LRRC57: variants seen among roughly 807,000 people sequenced by gnomAD.
LRRC57 encodes the protein leucine rich repeat containing 57, also known as leucine-rich repeat-containing protein 57.
Under a neutral mutation model 23.1 loss-of-function variants are expected in LRRC57, and 14 were observed. The observed-to-expected ratio is 0.61, with a 90% CI of 0.40 to 0.95. The LOEUF (loss-of-function observed/expected upper bound fraction) is 0.95. Among genes scored for constraint, LRRC57 ranks in the 40% least tolerant of loss-of-function variants. The pLI, the probability that LRRC57 is intolerant of heterozygous loss-of-function variation, is 0.00. For synonymous variants in LRRC57, 106 were observed against 115.2 expected (o/e 0.92, Z 0.51); for missense variants, 236 against 284.4 (o/e 0.83, Z 1.22).
chr15:42,532,341 T>G, the LRRC57 span: 1 of 152,266 alleles, frequency 6.6e-6, no homozygotes. Flanking sequence ...CGCCTTGGCC[T>G]CCCAAAGTAC....
the LRRC57 span, chr15:42,532,349 T>A: frequency 6.6e-6 from 1 of 152,238 alleles, no homozygotes; most frequent in Admixed American, 6.5e-5. Context: ...CCTCCCAAAG[T>A]ACTGGGATTA....
chr15:42,547,574 A>G (rs751614902), intron 3 of LRRC57, 45 bp from the exon 4 acceptor site: 5 of 1,550,626 alleles, frequency 3.2e-6, no homozygotes. Context: ...GATAGAGCTG[A>G]AAACAACTTT....
chr15:42,538,034 G>T lies in LRRC57; in HGVS notation c.*6049C>A, dbSNP rs964747880. 2.0e-5 allele frequency: 3 copies of T among 152,088 alleles called. No individual in the cohort carries two copies. The South Asian group carries it at 6.2e-4, about 32-fold the overall frequency. 9.4% of individuals were successfully genotyped at this position (152,088 alleles called of 1,614,324 possible). ...TATACTTAATGTAAGTTTCAAAATGGCTAGAAGATTTGAAATGTTCCCAAC... is the reference window on the plus strand; with the variant it reads ...TATACTTAATGTAAGTTTCAAAATGTCTAGAAGATTTGAAATGTTCCCAAC... On this transcript the variant is annotated 3_prime_UTR_variant, in exon 6 of 6. Transcript: ENST00000397130.
chr15:42,543,971 T>C lies in LRRC57; in HGVS notation c.*112A>G. 1 of 697,670 alleles carries C rather than the reference T, an allele frequency of 1.4e-6. No homozygotes were observed. The highest frequency in any genetic ancestry group is 2.5e-5 in the East Asian group (1 of 39,724). 43.2% of individuals were successfully genotyped at this position (697,670 alleles called of 1,614,324 possible). A position where few individuals can be genotyped will look rare whatever the true frequency, so the allele number is the denominator to read the frequency against. ...GAGTGAAATATAATCTCCTGAAGTA[T>C]CATCTCCTTACTGTAGATACCCCTA... On this transcript the variant is annotated 3_prime_UTR_variant, in exon 6 of 6. Coordinates refer to ENST00000397130, the MANE Select transcript of LRRC57 (RefSeq NM_153260.3).
chr15:42,544,828 C>T (rs935939354), intron 5 of LRRC57, among the ~76,000 whole-genome samples: 1 of 105,398 alleles, frequency 9.5e-6, no homozygotes, highest in Non-Finnish European at 1.8e-5. Flanking sequence ...CACACACACA[C>T]ACACACACAC....
chr15:42,547,839 G>C (rs1030579808), intron 3 of LRRC57: 16 of 546,186 alleles, frequency 2.9e-5, no homozygotes, highest in Non-Finnish European at 5.1e-5. Context: ...TTCCAAGTTA[G>C]GTAGCTTTGT....
chr15:42,531,542 T>C, the LRRC57 span: 1 of 1,295,366 alleles, frequency 7.7e-7, no homozygotes, highest in Non-Finnish European at 1.1e-6. Context: ...AGTTATTACC[T>C]TTTCAGAGTT....
intron 3 of LRRC57, chr15:42,547,805 C>G (rs1162659867): frequency 3.7e-6 from 2 of 545,574 alleles, no homozygotes; most frequent in Non-Finnish European, 6.4e-6. Context: ...TTTGGAAGAT[C>G]CTCCCCTTCT....
intron 5 of LRRC57, 134 bp from the exon 6 acceptor site, chr15:42,544,258 T>A: frequency 1.5e-6 from 1 of 677,116 alleles, no homozygotes; most frequent in African/African-American, 1.8e-5. Flanking sequence ...CTGCTGTAAA[T>A]GCAAAATGAA....
intron 4 of LRRC57, among the ~76,000 whole-genome samples, chr15:42,546,840 CA>C (rs2057660198): frequency 6.6e-6 from 1 of 152,170 alleles, no homozygotes; most frequent in Admixed American, 6.5e-5. Context: ...AAACCCCACA[CA>C]AAACGAAAAA....
At chr15:42,529,540 G>C in the LRRC57 span, 1 of 816,170 alleles carries the variant, frequency 1.2e-6, no homozygotes, top group African/African-American at 1.7e-5. Context: ...ATGTTTCCCA[G>C]GAATGGTAAC....
At chr15:42,545,524 C>T in intron 4 of LRRC57, 1 of 254,166 alleles carries the variant, frequency 3.9e-6, no homozygotes, top group Admixed American at 5.4e-5. Flanking sequence ...ATGATAAAAG[C>T]ACTGTATGTT....
chr15:42,548,716 G>C lies in LRRC57; in HGVS notation c.-46C>G. 7.8e-6 allele frequency: 5 copies of C among 638,112 alleles called. No homozygotes were observed. Among genetic ancestry groups the C allele is most frequent in the Non-Finnish European group, 1.3e-5 (5 of 370,936 alleles). 39.5% of individuals were successfully genotyped at this position (638,112 alleles called of 1,614,324 possible). On this transcript the variant is annotated 5_prime_UTR_variant, in exon 1 of 6. Coordinates refer to ENST00000397130, the MANE Select transcript of LRRC57 (RefSeq NM_153260.3). The stretch of plus-strand genomic sequence containing the variant: ...GCCTCCCACCGCTCAGCTGCCGTAA[G>C]GCTCCGCAGGTGAAGACCCAGGACC...
chr15:42,546,082 G>C lies in LRRC57; in HGVS notation c.493-820C>G, dbSNP rs2057656986. Reference sequence around the variant, plus strand: ...AGCTCAATACCAAGCAATTGTCTTTGACTCACCCCTTTTGCCATTTAAATA... The same window carrying C: ...AGCTCAATACCAAGCAATTGTCTTTCACTCACCCCTTTTGCCATTTAAATA... On this transcript the variant is annotated intron_variant, in intron 4 of 5. Coordinates refer to ENST00000397130, the MANE Select transcript of LRRC57 (RefSeq NM_153260.3). Among the ~76,000 whole-genome samples, 3 of 152,144 alleles carry C rather than the reference G, an allele frequency of 2.0e-5. No homozygotes were observed. The South Asian group carries it at 6.2e-4, about 32-fold the overall frequency.
At chr15:42,544,234 C>A in intron 5 of LRRC57, 110 bp from the exon 6 acceptor site, 1 of 818,136 alleles carries the variant, frequency 1.2e-6, no homozygotes, top group Non-Finnish European at 1.9e-6. Flanking sequence ...TTTTTCATTT[C>A]CTACAAAATA....
intron 3 of LRRC57, 39 bp from the exon 4 acceptor site, chr15:42,547,568 G>A (rs375837708): frequency 8.3e-6 from 13 of 1,566,108 alleles, no homozygotes; most frequent in Non-Finnish European, 1.1e-5. Context: ...GAATGTGATA[G>A]AGCTGAAAAC....
chr15:42,537,010 AACCTT>A (rs2057603530), downstream of LRRC57, among the ~76,000 whole-genome samples: 1 of 152,042 alleles, frequency 6.6e-6, no homozygotes, highest in South Asian at 2.1e-4. Flanking sequence ...CTATACTCTA[AACCTT>A]TCCATTTCAT....
chr15:42,547,131 A>T, intron 4 of LRRC57, 130 bp downstream of exon 4: 1 of 1,014,494 alleles, frequency 9.9e-7, no homozygotes, highest in Non-Finnish European at 1.4e-6. Context: ...CAGCCTATAG[A>T]AGAAACCTCT....
At chr15:42,537,233 T>TCACACACACACACACACACACACACACA (rs71108166), downstream of LRRC57, among the ~76,000 whole-genome samples, 10 of 136,582 alleles carry the variant, frequency 7.3e-5, no homozygotes, top group African/African-American at 2.7e-4. Context: ...TCTCTCTCTC[T>TCACACACACACACACACACACACACACA]CACACACACA....
Sources: allele counts gnomAD v4.1 joint callset (sites outside exome capture counted in the v4.1 genomes callset), GRCh38; gene constraint gnomAD v4.1.1; transcripts MANE v1.5; gene names NCBI Gene and HGNC (gene_info 2026-07-23, HGNC 2026-07-21).